Variants in FAM186A observed in about 807,000 individuals in gnomAD.
The protein encoded by FAM186A is family with sequence similarity 186 member A.
A neutral mutation model predicts 216.8 loss-of-function variants in FAM186A; 163 were observed. The ratio of observed to expected loss-of-function variants is 0.75; its 90% CI spans 0.66 to 0.86. The LOEUF (loss-of-function observed/expected upper bound fraction) is 0.86, where lower values mean the gene tolerates loss of function less well. Among genes scored for constraint, FAM186A ranks in the 40% least tolerant of loss-of-function variants. FAM186A has a pLI of 0.00. For missense variants in FAM186A, 2,184 were observed against 2,746.2 expected (o/e 0.80, Z 4.58); for synonymous variants, 805 against 1,025.3 (o/e 0.79, Z 4.10).
Position 50,351,322 on chromosome 12 carries a change from G to C in FAM186A, c.5510C>G (p.Pro1837Arg), listed in dbSNP as rs1372853045. ...AGTGGGTGGAACTCCAGCTATAAAG[G>C]GCTGCCCTGGAGTGGGAGGGGCCCG... ...ISRAPPTPGQ[P>R]FIAGVPPTSG... Residue 1837 changes from proline to arginine, a missense_variant, in exon 4 of 8, where the codon CCC (proline) becomes CGC (arginine). Transcript: ENST00000327337. 8 of 1,517,486 alleles carry C rather than the reference G, an allele frequency of 5.3e-6. No homozygotes were observed. The highest frequency in any genetic ancestry group is 7.1e-6 in the Non-Finnish European group (8 of 1,133,028). The allele number at this position is 1,517,486 out of a possible 1,614,324, so 94.0% of individuals were successfully genotyped here. A position where few individuals can be genotyped will look rare whatever the true frequency, so the allele number is the denominator to read the frequency against.
At chr12:50,387,027 G>A (rs1422413270) in intron 1 of FAM186A, among the ~76,000 whole-genome samples, 1 of 151,914 alleles carries the variant, frequency 6.6e-6, no homozygotes, top group Non-Finnish European at 1.5e-5. Context: ...ACCAAATGTG[G>A]GGTCGGAGGA....
intron 1 of FAM186A, chr12:50,366,164 A>C: frequency 1.7e-6 from 1 of 593,016 alleles, no homozygotes; most frequent in Non-Finnish European, 3.0e-6. Context: ...TTGCCAAACA[A>C]ATCATCATGC....
At chr12:50,357,076 A>G (rs1284832672) in intron 3 of FAM186A, among the ~76,000 whole-genome samples, 2 of 152,198 alleles carry the variant, frequency 1.3e-5, no homozygotes, top group Non-Finnish European at 2.9e-5. Context: ...GATGTAATTC[A>G]AGACAAAACT....
At chr12:50,368,789 C>G (rs1943114094) in intron 1 of FAM186A, among the ~76,000 whole-genome samples, 1 of 151,778 alleles carries the variant, frequency 6.6e-6, no homozygotes, top group Admixed American at 6.6e-5. Context: ...CTACATTAAT[C>G]AAAATAATGT....
intron 3 of FAM186A, among the ~76,000 whole-genome samples, chr12:50,359,732 A>AT (rs1943013996): frequency 6.6e-6 from 1 of 152,244 alleles, no homozygotes; most frequent in South Asian, 2.1e-4. Context: ...AAAATGCCCT[A>AT]TAACATGGCT....
In FAM186A at chr12:50,350,455, C is replaced by G; in HGVS notation, c.6377G>C (p.Cys2126Ser). The G allele has an allele frequency of 1.9e-6, 3 of 1,551,552 alleles. No individual in the cohort carries two copies. The highest frequency in any genetic ancestry group is 2.6e-6 in the Non-Finnish European group (3 of 1,146,982). The part of the protein sequence containing the change: ...LILLNQAIKT[C>S]GLPSQLHTMA... The stretch of plus-strand genomic sequence containing the variant: ...TGTGTGTAGCTGTGAAGGGAGTCCA[C>G]AAGTTTTTATAGCCTGATTTAATAG... Residue 2126 changes from cysteine to serine, a missense_variant, in exon 4 of 8, where the codon TGT (cysteine) becomes TCT (serine). Physicochemically the swap from Cys to Ser is moderately radical, Grantham distance 112. Transcript: ENST00000327337.
chr12:50,361,195 G>C (rs1441839049), intron 2 of FAM186A, among the ~76,000 whole-genome samples: 1 of 151,970 alleles, frequency 6.6e-6, no homozygotes, highest in Admixed American at 6.6e-5. Flanking sequence ...GTGTGTGTGT[G>C]TGTTTTGTTT....
chr12:50,355,116 C>T lies in FAM186A; in HGVS notation c.1716G>A (p.Glu572=), dbSNP rs1026004505. The T allele has an allele frequency of 4.5e-6, 7 of 1,551,540 alleles. No homozygotes were observed. The African/African-American group carries it at 9.6e-5, about 21-fold the overall frequency. The part of the protein sequence containing the change: ...AAEIKVEPTT[E]SLDKEGKGEI... Reference sequence around the variant, plus strand: ...CACCTTTGCCCTCTTTGTCCAATGACTCAGTGGTGGGTTCCACTTTAATCT... The same window carrying T: ...CACCTTTGCCCTCTTTGTCCAATGATTCAGTGGTGGGTTCCACTTTAATCT... Residue 572 remains glutamate, a synonymous_variant, in exon 4 of 8, where the codon GAG becomes GAA. Coordinates refer to ENST00000327337, the MANE Select transcript of FAM186A (RefSeq NM_001145475.3).
chr12:50,333,736 T>C (rs1411715286), intron 5 of FAM186A, among the ~76,000 whole-genome samples, 175 bp downstream of exon 5: 1 of 152,162 alleles, frequency 6.6e-6, no homozygotes, highest in African/African-American at 2.4e-5. Context: ...TTCTGGCCTC[T>C]AGAACTGTGA....
In FAM186A at chr12:50,353,252, G is replaced by C; in HGVS notation, c.3580C>G (p.Pro1194Ala). Reference sequence around the variant, plus strand: ...GCCTGGGCCTGCTGAGGGGTGAGAGGGATCCCCAATTCCTGAGCCTGCTGA... The same window carrying C: ...GCCTGGGCCTGCTGAGGGGTGAGAGCGATCCCCAATTCCTGAGCCTGCTGA... ...TPQQAQELGIPLTPQQAQALR... is the reference protein window; with the variant it reads ...TPQQAQELGIALTPQQAQALR... The change falls in exon 4 of 8, where the codon CCT becomes GCT. Residue 1194 changes from proline to alanine, a missense_variant. By Grantham distance (27) the Pro-to-Ala change is conservative. This residue lies in a region of FAM186A where 267 missense variants were observed against 446.2 expected (regional missense o/e 0.60). Transcript: ENST00000327337. 2.0e-6 allele frequency: 3 copies of C among 1,522,208 alleles called. No homozygotes were observed. The highest frequency in any genetic ancestry group is 2.6e-6 in the Non-Finnish European group (3 of 1,133,858). The allele number at this position is 1,522,208 out of a possible 1,614,324, so 94.3% of individuals were successfully genotyped here.
intron 1 of FAM186A, among the ~76,000 whole-genome samples, chr12:50,387,119 A>G (rs1386014311): frequency 6.6e-6 from 1 of 152,144 alleles, no homozygotes; most frequent in Non-Finnish European, 1.5e-5. Context: ...TTCAGACACC[A>G]TCTACCTAGA....
chr12:50,338,871 T>A (rs1019578831), intron 4 of FAM186A, among the ~76,000 whole-genome samples: 2 of 152,262 alleles, frequency 1.3e-5, no homozygotes, highest in Admixed American at 1.3e-4. Context: ...AGCCCCTGTA[T>A]GCACATAACT....
chr12:50,348,664 A>G (rs561840958), intron 4 of FAM186A, among the ~76,000 whole-genome samples: 5 of 151,886 alleles, frequency 3.3e-5, no homozygotes, highest in African/African-American at 1.2e-4. Flanking sequence ...GGTTCAAGCA[A>G]TTCTCCTGCC....
At position 50,345,599 on chromosome 12, in the gene FAM186A, CAG is replaced by C. The variant is rs902088027; in HGVS notation, c.6503+4728_6503+4729del. Among the ~76,000 whole-genome samples, 6 of 152,266 alleles carry C rather than the reference CAG, an allele frequency of 3.9e-5. 1 individual carries two copies. The highest frequency in any genetic ancestry group is 3.9e-4 in the Admixed American group (6 of 15,272). On this transcript the variant is annotated intron_variant, in intron 4 of 7. Coordinates refer to ENST00000327337, the MANE Select transcript of FAM186A (RefSeq NM_001145475.3). ...AGCTGTCCCAGCATCATTTATTGGA[CAG>C]AGAGTCCTTTCCTCATTGCTTGTTT... is the stretch of plus-strand genomic sequence containing the variant.
At chr12:50,395,731 G>C (rs1943406016) in intron 1 of FAM186A, among the ~76,000 whole-genome samples, 1 of 151,708 alleles carries the variant, frequency 6.6e-6, no homozygotes, top group African/African-American at 2.4e-5. Flanking sequence ...GCTAATAGCT[G>C]TTTGATAAAA....
In FAM186A at chr12:50,367,711, ACAAAC is replaced by A. The variant is rs1392724855; in HGVS notation, c.193-4352_193-4348del. 8.9e-3 allele frequency among the ~76,000 whole-genome samples: 1,338 copies of A among 150,540 alleles called. 22 individuals carry two copies. The highest frequency in any genetic ancestry group is 0.031 in the African/African-American group (1,266 of 40,554). ...CGTGCACACACACACACACACACACACAAACACACTATTAGAACAATAAATTCAGC... is the reference window on the plus strand; with the variant it reads ...CGTGCACACACACACACACACACACAACACTATTAGAACAATAAATTCAGC... On this transcript the variant is annotated intron_variant, in intron 1 of 7. Transcript: ENST00000327337.
In FAM186A at chr12:50,351,152, C is replaced by G. The variant is rs1942874315; in HGVS notation, c.5680G>C (p.Ala1894Pro). Residue 1894 changes from alanine to proline, a missense_variant, in exon 4 of 8, where the codon GCT (alanine) becomes CCT (proline). This residue lies in a region of FAM186A where 721 missense variants were observed against 816.4 expected (regional missense o/e 0.88). Transcript: ENST00000327337. ...GCCTGCAGATAGGGAGATTGCTCAGCAGTGGCAGGAGGCTGGAATTCCTGG... is the reference window on the plus strand; with the variant it reads ...GCCTGCAGATAGGGAGATTGCTCAGGAGTGGCAGGAGGCTGGAATTCCTGG... The part of the protein sequence containing the change: ...QLQEFQPPAT[A>P]EQSPYLQAPS... The G allele has an allele frequency of 6.4e-7, 1 of 1,551,384 alleles. No individual in the cohort carries two copies.
chr12:50,332,873 CA>C (rs1942669484), intron 5 of FAM186A, among the ~76,000 whole-genome samples: 2 of 150,112 alleles, frequency 1.3e-5, no homozygotes, highest in South Asian at 4.2e-4. Context: ...ACTAAAAATA[CA>C]AAAATTAACC....
chr12:50,332,789 A>G (rs1402187598), intron 5 of FAM186A, among the ~76,000 whole-genome samples: 1 of 152,146 alleles, frequency 6.6e-6, no homozygotes, highest in Non-Finnish European at 1.5e-5. Context: ...GCACTTTGGG[A>G]GGCTGCCATG....
Sources: gnomAD v4.1 joint callset for allele counts (sites outside exome capture counted in the v4.1 genomes callset) on GRCh38, gnomAD v4.1.1 for gene constraint, gnomAD v4.1.1 regional missense constraint, MANE v1.5 for transcripts, NCBI Gene and HGNC (gene_info 2026-07-23, HGNC 2026-07-21) for gene names.